Variants in RAB28 observed in about 807,000 individuals in gnomAD.
RAB28 encodes RAB28, member RAS oncogene family, also known as ras-related protein Rab-28.
RAB28 carries 24 observed loss-of-function variants against 31.7 expected under a neutral mutation model. The observed-to-expected ratio is 0.76, with a 90% CI of 0.55 to 1.06. The LOEUF (loss-of-function observed/expected upper bound fraction) is 1.06, where lower values mean the gene tolerates loss of function less well. Ranked by LOEUF, RAB28 falls within the 50% of genes least tolerant of loss-of-function variation. The probability of loss-of-function intolerance (pLI) is 0.00; values close to 1 mark genes in which losing one functional copy is unlikely to be tolerated. For synonymous variants in RAB28, 100 were observed against 90.4 expected, an observed-to-expected ratio of 1.11 and a Z score of -0.60; for missense variants, 254 against 258.5, an observed-to-expected ratio of 0.98 and a Z score of 0.12.
intron 4 of RAB28, among the ~76,000 whole-genome samples, chr4:13,441,618 C>T (rs192449936): frequency 6.6e-6 from 1 of 152,154 alleles, no homozygotes; most frequent in African/African-American, 2.4e-5. Context: ...CTGTGACATA[C>T]CACACAAGTA....
intron 4 of RAB28, among the ~76,000 whole-genome samples, chr4:13,445,663 C>T (rs566110907): frequency 1.3e-5 from 2 of 151,704 alleles, no homozygotes; most frequent in African/African-American, 2.4e-5. Context: ...AGACCCTGTT[C>T]GCCTGGGTAT....
chr4:13,439,419 A>G (rs372777092), intron 4 of RAB28, among the ~76,000 whole-genome samples: 2 of 151,774 alleles, frequency 1.3e-5, no homozygotes, highest in East Asian at 1.9e-4. Flanking sequence ...CAGAGGCACA[A>G]TCTCGGCTCA....
intron 4 of RAB28, among the ~76,000 whole-genome samples, chr4:13,411,788 C>CA (rs559458150): frequency 1.5e-3 from 232 of 150,966 alleles, no homozygotes; most frequent in Non-Finnish European, 2.8e-3. Flanking sequence ...TAATTGATTA[C>CA]AAAAACAAGG....
intron 4 of RAB28, among the ~76,000 whole-genome samples, chr4:13,394,859 C>T (rs1729801912): frequency 6.6e-6 from 1 of 152,184 alleles, no homozygotes; most frequent in Non-Finnish European, 1.5e-5. Flanking sequence ...AGAGAAACCA[C>T]TTTAAGAGAC....
chr4:13,432,935 G>A (rs768536535), intron 4 of RAB28, among the ~76,000 whole-genome samples: 7 of 150,754 alleles, frequency 4.6e-5, no homozygotes, highest in Admixed American at 6.6e-5. Flanking sequence ...AACCTTGAAC[G>A]TAAATGGCCT....
chr4:13,419,026 C>G (rs748390848), intron 4 of RAB28, among the ~76,000 whole-genome samples: 1 of 152,002 alleles, frequency 6.6e-6, no homozygotes, highest in East Asian at 1.9e-4. Context: ...CAGAGACACA[C>G]ATAGGCTCAA....
intron 4 of RAB28, among the ~76,000 whole-genome samples, chr4:13,404,917 T>C (rs1394683869): frequency 6.6e-6 from 1 of 151,696 alleles, no homozygotes; most frequent in African/African-American, 2.4e-5. Context: ...AAGAAGGAAC[T>C]GTCACTCTGT....
intron 3 of RAB28, among the ~76,000 whole-genome samples, chr4:13,469,724 T>C (rs1286683360): frequency 9.9e-5 from 15 of 151,934 alleles, no homozygotes. Flanking sequence ...AGAGATGGGG[T>C]CTTGCTCTGT....
chr4:13,433,642 A>AG (rs1273793554), intron 4 of RAB28, among the ~76,000 whole-genome samples: 13 of 147,686 alleles, frequency 8.8e-5, no homozygotes, highest in Non-Finnish European at 2.0e-4. Flanking sequence ...ATTATTGAAA[A>AG]GTTAAAAAAA....
chr4:13,370,969 A>C, intron 6 of RAB28: 1 of 982,542 alleles, frequency 1.0e-6, no homozygotes, highest in African/African-American at 1.7e-5. Flanking sequence ...TTTTAGATTT[A>C]AACCTATCCT....
intron 4 of RAB28, among the ~76,000 whole-genome samples, chr4:13,444,895 C>T (rs1164039700): frequency 6.6e-6 from 1 of 151,892 alleles, no homozygotes; most frequent in African/African-American, 2.4e-5. Flanking sequence ...TGGTGGTGTT[C>T]TCTGTATTTC....
At chr4:13,411,608 T>C (rs1324390390) in intron 4 of RAB28, among the ~76,000 whole-genome samples, 1 of 152,150 alleles carries the variant, frequency 6.6e-6, no homozygotes, top group Non-Finnish European at 1.5e-5. Context: ...AAATTACATA[T>C]TAAATGTAAT....
chr4:13,464,720 A>C (rs1184398445), intron 3 of RAB28, among the ~76,000 whole-genome samples: 3 of 152,162 alleles, frequency 2.0e-5, no homozygotes, highest in Admixed American at 2.0e-4. Flanking sequence ...AAAGCCTCAC[A>C]CTAAAATTCT....
intron 4 of RAB28, among the ~76,000 whole-genome samples, chr4:13,455,733 T>G (rs927632038): frequency 6.6e-6 from 1 of 152,190 alleles, no homozygotes; most frequent in African/African-American, 2.4e-5. Flanking sequence ...ACTGTGGGAT[T>G]CTCCTGCAGT....
intron 3 of RAB28, among the ~76,000 whole-genome samples, chr4:13,472,173 G>C (rs947650043): frequency 1.3e-5 from 2 of 151,698 alleles, no homozygotes; most frequent in Non-Finnish European, 2.9e-5. Flanking sequence ...TTTAGAGATG[G>C]AGTGTCACTT....
Position 13,368,431 on chromosome 4 carries a change from G to A in RAB28, c.*127C>T. 1 of 1,297,454 alleles carries A rather than the reference G, an allele frequency of 7.7e-7. No individual in the cohort carries two copies. Among genetic ancestry groups the A allele is most frequent in the Non-Finnish European group, 9.8e-7 (1 of 1,019,708 alleles). The allele number at this position is 1,297,454 out of a possible 1,614,324, so 80.4% of individuals were successfully genotyped here. On this transcript the variant is annotated 3_prime_UTR_variant, in exon 7 of 7. Coordinates refer to ENST00000330852, the MANE Select transcript of RAB28 (RefSeq NM_001017979.3). ...ACTGTGAGGCAATAGCAATGATGAA[G>A]CAAGTTGGGAGTAAAGTGTTAACTG...
chr4:13,425,294 G>T (rs2108925772), intron 4 of RAB28, among the ~76,000 whole-genome samples: 1 of 152,212 alleles, frequency 6.6e-6, no homozygotes, highest in South Asian at 2.1e-4. Context: ...GAAACTATTT[G>T]ATGCTACAAT....
At position 13,381,550 on chromosome 4, in the gene RAB28, G is replaced by GTT; in HGVS notation, c.435_436insAA (p.Arg146AsnfsTer38). The GTT allele has an allele frequency of 6.2e-7, 1 of 1,613,248 alleles. No homozygotes were observed. Among genetic ancestry groups the GTT allele is most frequent in the Non-Finnish European group, 8.5e-7 (1 of 1,179,482 alleles). On this transcript the variant is annotated frameshift_variant, in exon 5 of 7. Coordinates refer to ENST00000330852, the MANE Select transcript of RAB28 (RefSeq NM_001017979.3). LOFTEE classifies it high-confidence loss of function. ...CTAAAACCATTTTCCTGGCAAAACC[G>GTT]TAAGTGTTTTTCAGGTTTTATTGTT...
chr4:13,374,519 A>C lies in RAB28; in HGVS notation c.573+2026T>G, dbSNP rs187768609. ...AGTACAAGGAATCCTTCCTCAGTGCAGCCCTCTCACCTGTGAAGCACCAGC... is the reference window on the plus strand; with the variant it reads ...AGTACAAGGAATCCTTCCTCAGTGCCGCCCTCTCACCTGTGAAGCACCAGC... On this transcript the variant is annotated intron_variant, in intron 6 of 6. Transcript: ENST00000330852. Among the ~76,000 whole-genome samples the C allele has an allele frequency of 2.5e-3, 373 of 152,104 alleles. 3 individuals are homozygous for C. The highest frequency in any genetic ancestry group is 8.4e-3 in the African/African-American group (351 of 41,554).
Sources: allele counts gnomAD v4.1 joint callset (sites outside exome capture counted in the v4.1 genomes callset), GRCh38; gene constraint gnomAD v4.1.1; transcripts MANE v1.5; gene names NCBI Gene and HGNC (gene_info 2026-07-23, HGNC 2026-07-21).